The following DDHD2 variants were observed in gnomAD, a reference collection of about 807,000 sequenced individuals.
DDHD2 encodes triacylglycerol hydrolase DDHD2.
A neutral mutation model predicts 91.2 loss-of-function variants in DDHD2; 62 were observed. That is an observed-to-expected ratio of 0.68 (90% CI 0.55 to 0.84). DDHD2 has a LOEUF of 0.84. Ranked by LOEUF, DDHD2 falls within the 40% of genes least tolerant of loss-of-function variation. The probability of loss-of-function intolerance (pLI) is 0.00; values close to 1 mark genes in which losing one functional copy is unlikely to be tolerated. For missense variants in DDHD2, 740 were observed against 846.9 expected (o/e 0.87, Z 1.57); for synonymous variants, 271 against 293.9 (o/e 0.92, Z 0.80).
At chr8:38,246,020 A>T (rs368791989) in intron 8 of DDHD2, 70 bp downstream of exon 8, 1 of 1,446,218 alleles carries the variant, frequency 6.9e-7, no homozygotes, top group Non-Finnish European at 9.6e-7. Flanking sequence ...TTGAAGCACA[A>T]TGTCTTTTAT....
At chr8:38,247,899 C>G (rs1407161411) in intron 10 of DDHD2, 64 bp downstream of exon 10, 1 of 1,276,266 alleles carries the variant, frequency 7.8e-7, no homozygotes. Flanking sequence ...ATCGTGTTTA[C>G]TAAGAGCCTA....
In DDHD2 at chr8:38,252,148, C is replaced by T; in HGVS notation, c.1478C>T (p.Pro493Leu). The T allele has an allele frequency of 6.2e-7, 1 of 1,613,924 alleles. No homozygotes were observed. Among genetic ancestry groups the T allele is most frequent in the Non-Finnish European group, 8.5e-7 (1 of 1,179,946 alleles). ...VGIGQVSVKYPRLIYKPEIFF... is the reference protein window; with the variant it reads ...VGIGQVSVKYLRLIYKPEIFF... ...TCCTTTGAGGTGTCTGTGAAATACC[C>T]CCGGCTCATCTATAAACCAGAGATA... Residue 493 changes from proline (P) to leucine (L), a missense_variant, in exon 13 of 18, where the codon CCC (proline) becomes CTC (leucine). Physicochemically the swap from Pro to Leu is moderately conservative, Grantham distance 98 (BLOSUM62 -3). Around this residue, in one of 2 missense-constraint regions of DDHD2, gnomAD observed 693 missense variants for 764.2 expected, o/e 0.91. Coordinates refer to ENST00000397166, the MANE Select transcript of DDHD2 (RefSeq NM_015214.3).
chr8:38,264,314 G>A (rs984402970), downstream of DDHD2: 7 of 802,996 alleles, frequency 8.7e-6, no homozygotes, highest in East Asian at 2.3e-4. Context: ...GCTAATTTTT[G>A]TATTTTTAGT....
intron 3 of DDHD2, among the ~76,000 whole-genome samples, chr8:38,236,773 G>A (rs1346788257): frequency 6.6e-6 from 1 of 152,024 alleles, no homozygotes; most frequent in Non-Finnish European, 1.5e-5. Context: ...ACCCGCCTTG[G>A]CCTTCCAAAG....
At chr8:38,249,925 C>CT (rs1025219528) in intron 11 of DDHD2, 122 bp downstream of exon 11, 742 of 561,122 alleles carry the variant, frequency 1.3e-3, no homozygotes, top group East Asian at 1.8e-3. Flanking sequence ...ATCTTTGGCT[C>CT]TTTTTTTTTG....
intron 10 of DDHD2, among the ~76,000 whole-genome samples, chr8:38,249,455 GTTT>G (rs74689881): frequency 1.8e-5 from 2 of 108,680 alleles, no homozygotes; most frequent in South Asian, 3.0e-4. Flanking sequence ...CAACTTCTCT[GTTT>G]TTTTTTTTTT....
intron 10 of DDHD2, 60 bp from the exon 11 acceptor site, chr8:38,249,648 G>A: frequency 8.1e-7 from 1 of 1,232,558 alleles, no homozygotes; most frequent in Non-Finnish European, 1.2e-6. Flanking sequence ...GTTCCTCTTA[G>A]GGGACAGGAT....
Position 38,252,956 on chromosome 8 carries a change from G to A in DDHD2, c.1721-1G>A. The A allele has an allele frequency of 6.2e-7, 1 of 1,613,798 alleles. No individual in the cohort carries two copies. The highest frequency in any genetic ancestry group is 8.5e-7 in the Non-Finnish European group (1 of 1,179,908). On this transcript the variant is annotated splice_acceptor_variant, in intron 14 of 17. Transcript: ENST00000397166. LOFTEE classifies it high-confidence loss of function. ...TAATGTTCTTTATTTATATGTTTCA[G>A]AACTGAGAGAGGGCTTGACCAGGAT...
At chr8:38,266,839 T>C (rs1049931739), downstream of DDHD2, 3 of 219,380 alleles carry the variant, frequency 1.4e-5, no homozygotes, top group Non-Finnish European at 2.7e-5. Flanking sequence ...ATACTAGCTA[T>C]ATGTATCAAC....
rs988043419 is a variant in DDHD2, at chr8:38,261,893, C to T, written c.*1320C>T. ...CCACAGGCCTCTGTTTATAGAGTGG[C>T]AAAGGCAGGCGAGCTGTGGTTTATT... On this transcript the variant is annotated 3_prime_UTR_variant, in exon 18 of 18. Coordinates refer to ENST00000397166, the MANE Select transcript of DDHD2 (RefSeq NM_015214.3). The T allele has an allele frequency of 1.1e-4, 16 of 152,220 alleles. No individual in the cohort carries two copies. Among genetic ancestry groups the T allele is most frequent in the African/African-American group, 3.9e-4 (16 of 41,544 alleles). 9.4% of individuals were successfully genotyped at this position (152,220 alleles called of 1,614,324 possible).
At chr8:38,249,651 G>T (rs1585742420) in intron 10 of DDHD2, 57 bp from the exon 11 acceptor site, 1 of 1,272,902 alleles carries the variant, frequency 7.9e-7, no homozygotes. Context: ...CCTCTTAGGG[G>T]ACAGGATTGA....
chr8:38,238,469 T>A lies in DDHD2; in HGVS notation c.622+260T>A, dbSNP rs115996160. On this transcript the variant is annotated intron_variant, in intron 5 of 17. Coordinates refer to ENST00000397166, the MANE Select transcript of DDHD2 (RefSeq NM_015214.3). ...GTCACTAAGTACAGATGAACTGATT[T>A]AGTCCTAATTCCAAGAAGTGTGATT... 1,279 of 1,169,852 alleles carry A rather than the reference T, an allele frequency of 1.1e-3. 7 individuals carry two copies. The African/African-American group carries it at 0.019, about 18-fold the overall frequency. 72.5% of individuals were successfully genotyped at this position (1,169,852 alleles called of 1,614,324 possible). A position where few individuals can be genotyped will look rare whatever the true frequency, so the allele number is the denominator to read the frequency against.
intron 10 of DDHD2, among the ~76,000 whole-genome samples, chr8:38,248,318 C>T (rs998709210): frequency 4.0e-5 from 6 of 151,602 alleles, no homozygotes; most frequent in East Asian, 1.9e-4. Context: ...ACCTTGGCCT[C>T]CCAAAGTGCT....
chr8:38,246,487 A>G (rs918513540), intron 9 of DDHD2, among the ~76,000 whole-genome samples, 187 bp downstream of exon 9: 7 of 152,232 alleles, frequency 4.6e-5, no homozygotes, highest in East Asian at 3.8e-4. Flanking sequence ...AGATAGTAAC[A>G]TGCTTCTACA....
chr8:38,259,387 GTT>G (rs1241069968), intron 16 of DDHD2, among the ~76,000 whole-genome samples: 22 of 132,836 alleles, frequency 1.7e-4, no homozygotes, highest in Admixed American at 1.5e-4. Flanking sequence ...CGCCTGGCTA[GTT>G]TTTTTTTTTT....
chr8:38,243,282 T>C (rs140810063), intron 7 of DDHD2, among the ~76,000 whole-genome samples: 99 of 152,330 alleles, frequency 6.5e-4, no homozygotes, highest in African/African-American at 2.3e-3. Flanking sequence ...CTCTCCCAGA[T>C]ATGAATTCTG....
intron 7 of DDHD2, 26 bp from the exon 8 acceptor site, chr8:38,245,716 G>A (rs374244663): frequency 1.2e-6 from 2 of 1,605,216 alleles, no homozygotes; most frequent in Admixed American, 1.7e-5. Context: ...TAGGTTTCCT[G>A]CTTATATTAT....
chr8:38,233,730 T>C (rs1057503156), intron 2 of DDHD2, among the ~76,000 whole-genome samples: 2 of 151,984 alleles, frequency 1.3e-5, no homozygotes, highest in Non-Finnish European at 2.9e-5. Flanking sequence ...GAGTTTGAGA[T>C]TAGCCTGGCC....
At chr8:38,268,036 C>T in intron 1 of DDHD2, 1 of 1,606,114 alleles carries the variant, frequency 6.2e-7, no homozygotes. Flanking sequence ...ATGAGAGCAG[C>T]CGTGCTGTTT....
Sources: allele counts gnomAD v4.1 joint callset (sites outside exome capture counted in the v4.1 genomes callset), GRCh38; gene constraint gnomAD v4.1.1; regional missense constraint gnomAD v4.1.1; transcripts MANE v1.5; gene names NCBI Gene and HGNC (gene_info 2026-07-23, HGNC 2026-07-21).